PLEK: variants seen among roughly 807,000 people sequenced by gnomAD.
PLEK encodes the protein platelet 47 kDa protein.
A neutral mutation model predicts 43.9 loss-of-function variants in PLEK; 25 were observed. That is an observed-to-expected ratio of 0.57 (90% CI 0.41 to 0.79). The LOEUF (loss-of-function observed/expected upper bound fraction) is 0.79, where lower values mean the gene tolerates loss of function less well. Ranked by LOEUF, PLEK falls within the 30% of genes least tolerant of loss-of-function variation. The probability of loss-of-function intolerance (pLI) is 0.00; values close to 1 mark genes in which losing one functional copy is unlikely to be tolerated. For missense variants in PLEK, 396 were observed against 413.3 expected (o/e 0.96, Z 0.36); for synonymous variants, 152 against 144.4 (o/e 1.05, Z -0.38).
chr2:68,380,683 G>A, intron 2 of PLEK, 40 bp from the exon 3 acceptor site: 1 of 1,597,400 alleles, frequency 6.3e-7, no homozygotes, highest in African/African-American at 1.3e-5. Flanking sequence ...CCAAGCCCTT[G>A]AAATAAGCCA....
chr2:68,370,661 T>G (rs1673382827), intron 1 of PLEK, among the ~76,000 whole-genome samples: 1 of 152,102 alleles, frequency 6.6e-6, no homozygotes, highest in Non-Finnish European at 1.5e-5. Context: ...AATTTTTATA[T>G]TTTTAGAAGA....
At chr2:68,391,166 A>C (rs115343035) in intron 6 of PLEK, among the ~76,000 whole-genome samples, 139 of 152,358 alleles carry the variant, frequency 9.1e-4, no homozygotes, top group Middle Eastern at 3.4e-3. Context: ...GAAAATGCTC[A>C]TTAAGTGAAA....
chr2:68,372,313 G>A (rs542851722), intron 1 of PLEK, among the ~76,000 whole-genome samples: 22 of 151,700 alleles, frequency 1.5e-4, no homozygotes, highest in Admixed American at 2.6e-4. Flanking sequence ...AGCTGGGACC[G>A]TAGGTGTGCA....
intron 6 of PLEK, among the ~76,000 whole-genome samples, chr2:68,392,126 C>T (rs982132773): frequency 2.7e-5 from 4 of 147,688 alleles, no homozygotes; most frequent in Non-Finnish European, 2.9e-5. Flanking sequence ...TTCTTTCTTC[C>T]TTCCTCTTTC....
intron 1 of PLEK, among the ~76,000 whole-genome samples, chr2:68,374,267 G>GCC (rs1673462168): frequency 1.3e-5 from 2 of 152,104 alleles, no homozygotes; most frequent in East Asian, 3.8e-4. Flanking sequence ...CTAATAAAAT[G>GCC]ACCTTATCTA....
intron 1 of PLEK, among the ~76,000 whole-genome samples, chr2:68,376,585 T>A (rs1030211506): frequency 5.3e-5 from 8 of 151,328 alleles, no homozygotes; most frequent in Non-Finnish European, 1.0e-4. Flanking sequence ...CAGTCTTATC[T>A]ATTAATAATG....
chr2:68,390,036 A>C (rs534357460), intron 6 of PLEK, among the ~76,000 whole-genome samples: 1 of 52,644 alleles, frequency 1.9e-5, no homozygotes, highest in South Asian at 6.9e-4. Context: ...CCAAGGATGA[A>C]GGCTAACAGT....
chr2:68,392,670 C>T (rs560232663), intron 6 of PLEK, among the ~76,000 whole-genome samples: 1 of 152,316 alleles, frequency 6.6e-6, no homozygotes, highest in Non-Finnish European at 1.5e-5. Context: ...AATCCTGTGT[C>T]CCACATGGAT....
chr2:68,381,660 G>A (rs765775463), intron 3 of PLEK, among the ~76,000 whole-genome samples: 1 of 152,204 alleles, frequency 6.6e-6, no homozygotes, highest in Non-Finnish European at 1.5e-5. Context: ...GGAGGGTGGG[G>A]TGGGGAGAAG....
chr2:68,372,496 G>A (rs1188002522), intron 1 of PLEK, among the ~76,000 whole-genome samples: 1 of 151,954 alleles, frequency 6.6e-6, no homozygotes, highest in Non-Finnish European at 1.5e-5. Context: ...TTTTTAATAT[G>A]GTCAAATCTG....
At chr2:68,395,372 A>G (rs1314199517) in intron 8 of PLEK, among the ~76,000 whole-genome samples, 1 of 152,090 alleles carries the variant, frequency 6.6e-6, no homozygotes, top group Non-Finnish European at 1.5e-5. Context: ...CGCTGTTGCT[A>G]TACAAAGGTG....
chr2:68,373,468 C>T (rs578184759), intron 1 of PLEK, among the ~76,000 whole-genome samples: 1 of 151,830 alleles, frequency 6.6e-6, no homozygotes, highest in African/African-American at 2.4e-5. Flanking sequence ...CCCATTAACT[C>T]GTCATTTAAC....
At chr2:68,365,525 G>T in intron 1 of PLEK, 132 bp downstream of exon 1, 1 of 731,288 alleles carries the variant, frequency 1.4e-6, no homozygotes, top group Non-Finnish European at 2.5e-6. Context: ...AGGGGAGCGT[G>T]GTAGCACATA....
At position 68,386,496 on chromosome 2, in the gene PLEK, A is replaced by T; in HGVS notation, c.473-6A>T. The T allele has an allele frequency of 6.2e-7, 1 of 1,612,612 alleles. No individual in the cohort carries two copies. Among genetic ancestry groups the T allele is most frequent in the African/African-American group, 1.3e-5 (1 of 74,986 alleles). Reference sequence around the variant, plus strand: ...AGTTAACCTTCCCTGTGCTGGTCCCATCTAGGTAACTGCGTCATTGATTGG... The same window carrying T: ...AGTTAACCTTCCCTGTGCTGGTCCCTTCTAGGTAACTGCGTCATTGATTGG... On this transcript the variant is annotated splice_polypyrimidine_tract_variant and splice_region_variant and intron_variant, in intron 4 of 8. Coordinates refer to ENST00000234313, the MANE Select transcript of PLEK (RefSeq NM_002664.3).
intron 6 of PLEK, among the ~76,000 whole-genome samples, chr2:68,392,899 G>A (rs17035434): frequency 0.024 from 3,631 of 152,212 alleles, 71 homozygotes; most frequent in Admixed American, 0.07. Flanking sequence ...ACCTAGTACT[G>A]CCTTATATCA....
At chr2:68,385,210 C>T (rs1228657112) in intron 4 of PLEK, among the ~76,000 whole-genome samples, 2 of 152,190 alleles carry the variant, frequency 1.3e-5, no homozygotes, top group South Asian at 4.1e-4. Flanking sequence ...GTGATCAAAT[C>T]GTGGTAACTA....
intron 1 of PLEK, among the ~76,000 whole-genome samples, chr2:68,376,103 G>T (rs951359082): frequency 6.6e-6 from 1 of 152,154 alleles, no homozygotes; most frequent in African/African-American, 2.4e-5. Flanking sequence ...CAACTGCAGG[G>T]TGCATGCCAC....
intron 1 of PLEK, among the ~76,000 whole-genome samples, chr2:68,368,052 T>C (rs1673317308): frequency 6.6e-6 from 1 of 152,244 alleles, no homozygotes; most frequent in Non-Finnish European, 1.5e-5. Context: ...TCAATAGTGT[T>C]AACTGTAAAA....
intron 1 of PLEK, 137 bp downstream of exon 1, chr2:68,365,530 C>T (rs932307451): frequency 5.2e-5 from 37 of 709,598 alleles, no homozygotes; most frequent in Non-Finnish European, 8.6e-5. Flanking sequence ...AGCGTGGTAG[C>T]ACATAGAATG....
Sources: gnomAD v4.1 joint callset for allele counts (sites outside exome capture counted in the v4.1 genomes callset) on GRCh38, gnomAD v4.1.1 for gene constraint, MANE v1.5 for transcripts, NCBI Gene and HGNC (gene_info 2026-07-23, HGNC 2026-07-21) for gene names.